The following FHIT variants were observed in gnomAD, a reference collection of about 807,000 sequenced individuals.
The protein encoded by FHIT is fragile histidine triad diadenosine triphosphatase, also known as bis(5'-adenosyl)-triphosphatase.
A neutral mutation model predicts 17.9 loss-of-function variants in FHIT; 19 were observed. The observed-to-expected ratio is 1.06, with a 90% CI of 0.74 to 1.56. The LOEUF (loss-of-function observed/expected upper bound fraction) is 1.56, where lower values mean the gene tolerates loss of function less well. FHIT is among the 40% of genes most tolerant of loss of function. The pLI is 0.00. For missense variants in FHIT, 248 were observed against 189.2 expected, an observed-to-expected ratio of 1.31 and a Z score of -1.82; for synonymous variants, 81 against 69.7, an observed-to-expected ratio of 1.16 and a Z score of -0.81.
intron 4 of FHIT, among the ~76,000 whole-genome samples, chr3:60,539,511 C>T (rs1031870721): frequency 2.0e-5 from 3 of 152,134 alleles, no homozygotes; most frequent in Admixed American, 2.0e-4. Flanking sequence ...TATTGCGGCA[C>T]TATTCACAAT....
intron 5 of FHIT, among the ~76,000 whole-genome samples, chr3:60,534,439 CAAAAAAAA>C (rs563992117): frequency 3.1e-4 from 10 of 32,410 alleles, no homozygotes; most frequent in Admixed American, 5.1e-4. Context: ...GACTCCGTCT[CAAAAAAAA>C]AAAAAAAAAA....
At chr3:59,896,415 C>A (rs957313306) in intron 8 of FHIT, among the ~76,000 whole-genome samples, 2 of 152,152 alleles carry the variant, frequency 1.3e-5, no homozygotes, top group Admixed American at 6.5e-5. Context: ...CTCCAAATAG[C>A]ATCCTTTATT....
chr3:60,319,746 G>A (rs992166476), intron 5 of FHIT, among the ~76,000 whole-genome samples: 7 of 152,106 alleles, frequency 4.6e-5, no homozygotes, highest in Non-Finnish European at 7.4e-5. Flanking sequence ...ACTGAGGGGG[G>A]CTGTTTCTCC....
intron 7 of FHIT, among the ~76,000 whole-genome samples, chr3:59,980,928 C>A (rs982129729): frequency 6.6e-6 from 1 of 152,042 alleles, no homozygotes; most frequent in Non-Finnish European, 1.5e-5. Flanking sequence ...AATTATAATC[C>A]TAACTATGAA....
At chr3:60,117,494 T>TAAAAAAAAAAAAAAA (rs34113926) in intron 5 of FHIT, among the ~76,000 whole-genome samples, 1 of 86,766 alleles carries the variant, frequency 1.2e-5, no homozygotes, top group Non-Finnish European at 2.2e-5. Flanking sequence ...ACTTCCTATC[T>TAAAAAAAAAAAAAAA]AAAAAAAAAA....
intron 4 of FHIT, among the ~76,000 whole-genome samples, chr3:60,551,441 T>C (rs1467356038): frequency 1.5e-5 from 1 of 68,574 alleles, no homozygotes; most frequent in Non-Finnish European, 2.9e-5. Flanking sequence ...GGAAATATAG[T>C]GAGAAAGAAA....
At chr3:59,870,295 T>A (rs1463134922) in intron 8 of FHIT, among the ~76,000 whole-genome samples, 1 of 152,204 alleles carries the variant, frequency 6.6e-6, no homozygotes, top group Admixed American at 6.5e-5. Context: ...CATTCCCATG[T>A]CACAGGTGAG....
chr3:61,147,485 A>G (rs964443335), intron 2 of FHIT, among the ~76,000 whole-genome samples: 4 of 151,938 alleles, frequency 2.6e-5, no homozygotes, highest in Non-Finnish European at 2.9e-5. Context: ...TCTGCAAGGA[A>G]TCTTGGGATC....
At chr3:61,237,089 G>A (rs2040250151) in intron 1 of FHIT, among the ~76,000 whole-genome samples, 1 of 152,098 alleles carries the variant, frequency 6.6e-6, no homozygotes, top group African/African-American at 2.4e-5. Flanking sequence ...CAAATTACCT[G>A]CATTTTTTCT....
intron 8 of FHIT, among the ~76,000 whole-genome samples, chr3:59,828,914 A>G (rs543317662): frequency 1.3e-5 from 2 of 151,912 alleles, no homozygotes; most frequent in African/African-American, 2.4e-5. Context: ...AGACAAATTT[A>G]TTCACAGAAC....
intron 5 of FHIT, among the ~76,000 whole-genome samples, chr3:60,078,426 T>C (rs1378061072): frequency 1.3e-5 from 2 of 152,018 alleles, no homozygotes; most frequent in Non-Finnish European, 2.9e-5. Flanking sequence ...CAAACTCAAA[T>C]TAAGAAACAT....
intron 5 of FHIT, among the ~76,000 whole-genome samples, chr3:60,344,732 T>C (rs1011333608): frequency 3.3e-5 from 5 of 151,856 alleles, no homozygotes; most frequent in African/African-American, 4.8e-5. Context: ...TCTTTCAAGA[T>C]TTTTTTTTCT....
intron 5 of FHIT, among the ~76,000 whole-genome samples, chr3:60,370,752 TCA>T (rs1408833546): frequency 1.3e-5 from 2 of 152,206 alleles, no homozygotes; most frequent in African/African-American, 2.4e-5. Context: ...TAAAAATCAC[TCA>T]CTCTATTCCC....
chr3:59,765,806 A>G (rs1351898410), intron 8 of FHIT, among the ~76,000 whole-genome samples: 1 of 152,238 alleles, frequency 6.6e-6, no homozygotes, highest in Non-Finnish European at 1.5e-5. Context: ...TGATTAAAAT[A>G]GATAGAATCT....
At chr3:60,321,711 G>T (rs1709441110) in intron 5 of FHIT, among the ~76,000 whole-genome samples, 2 of 152,082 alleles carry the variant, frequency 1.3e-5, no homozygotes, top group Admixed American at 6.5e-5. Flanking sequence ...CCTTAAATTG[G>T]GTGATGTATA....
At chr3:60,555,295 C>T (rs1379441032) in intron 4 of FHIT, among the ~76,000 whole-genome samples, 2 of 152,206 alleles carry the variant, frequency 1.3e-5, no homozygotes, top group Non-Finnish European at 2.9e-5. Context: ...CCCACTAAAG[C>T]CAGTATGGCC....
At chr3:60,469,626 A>C (rs184748702) in intron 5 of FHIT, among the ~76,000 whole-genome samples, 38 of 151,470 alleles carry the variant, frequency 2.5e-4, no homozygotes, top group East Asian at 1.2e-3. Flanking sequence ...AAGCTCACAT[A>C]TCTCTCTCTC....
At position 60,914,212 on chromosome 3, in the gene FHIT, A is replaced by G. The variant is rs1706885928; in HGVS notation, c.-110-92201T>C. 1.3e-5 allele frequency among the ~76,000 whole-genome samples: 2 copies of G among 152,216 alleles called. 1 individual carries two copies. The highest frequency in any genetic ancestry group is 2.9e-5 in the Non-Finnish European group (2 of 68,040). On this transcript the variant is annotated intron_variant, in intron 3 of 9. Coordinates refer to ENST00000492590, the MANE Select transcript of FHIT (RefSeq NM_002012.4). Reference sequence around the variant, plus strand: ...ATATGCGAGGTCCCATTGGGAGCATAAGGAATTTTAAGACATGATATCTCC... The same window carrying G: ...ATATGCGAGGTCCCATTGGGAGCATGAGGAATTTTAAGACATGATATCTCC...
chr3:61,020,834 A>T (rs1203700837), intron 3 of FHIT, among the ~76,000 whole-genome samples: 2 of 152,222 alleles, frequency 1.3e-5, no homozygotes, highest in African/African-American at 4.8e-5. Flanking sequence ...AAGGGATGGT[A>T]GAATATTTAC....
Sources: allele counts gnomAD v4.1 joint callset (sites outside exome capture counted in the v4.1 genomes callset), GRCh38; gene constraint gnomAD v4.1.1; transcripts MANE v1.5; gene names NCBI Gene and HGNC (gene_info 2026-07-23, HGNC 2026-07-21).